IFT74: variants seen among roughly 807,000 people sequenced by gnomAD.
IFT74 encodes the protein intraflagellar transport protein 74 homolog.
Under a neutral mutation model 96.7 loss-of-function variants are expected in IFT74, and 92 were observed. The ratio of observed to expected loss-of-function variants is 0.95; its 90% confidence interval spans 0.80 to 1.13. IFT74 has a LOEUF of 1.13. Ranked by LOEUF, IFT74 falls within the 50% of genes most tolerant of loss-of-function variation. The probability of loss-of-function intolerance (pLI) is 0.00; values close to 1 mark genes in which losing one functional copy is unlikely to be tolerated. For missense variants in IFT74, 811 were observed against 698.2 expected, an observed-to-expected ratio of 1.16 and a Z score of -1.82; for synonymous variants, 223 against 213.2, an observed-to-expected ratio of 1.05 and a Z score of -0.40.
chr9:27,052,731 T>C (rs1375642008), intron 16 of IFT74, among the ~76,000 whole-genome samples: 1 of 152,136 alleles, frequency 6.6e-6, no homozygotes, highest in Non-Finnish European at 1.5e-5. Flanking sequence ...CCATATAATT[T>C]ATTCTTTCTT....
chr9:26,986,422 C>T (rs1204357438), intron 6 of IFT74, among the ~76,000 whole-genome samples: 1 of 150,408 alleles, frequency 6.6e-6, no homozygotes, highest in Non-Finnish European at 1.5e-5. Context: ...CTCAATTGAT[C>T]CTCCCACCTA....
intron 12 of IFT74, among the ~76,000 whole-genome samples, chr9:27,026,567 T>C (rs1829867484): frequency 6.6e-6 from 1 of 152,192 alleles, no homozygotes; most frequent in Non-Finnish European, 1.5e-5. Context: ...ACAGACCATA[T>C]GATAGGCCAC....
At chr9:27,000,517 T>C (rs1456594995) in intron 8 of IFT74, among the ~76,000 whole-genome samples, 2 of 152,192 alleles carry the variant, frequency 1.3e-5, no homozygotes, top group African/African-American at 4.8e-5. Context: ...TATTGAGGCG[T>C]GGTAGATATA....
intron 13 of IFT74, among the ~76,000 whole-genome samples, chr9:27,034,884 C>A (rs1384244110): frequency 6.6e-6 from 1 of 152,198 alleles, no homozygotes; most frequent in Middle Eastern, 3.2e-3. Context: ...GGATTCAAAT[C>A]CAGGCTGTGC....
chr9:26,948,915 C>G (rs1825851351), intron 1 of IFT74, among the ~76,000 whole-genome samples: 1 of 152,066 alleles, frequency 6.6e-6, no homozygotes. Flanking sequence ...GTATGCTCTC[C>G]ATGTCTCTAT....
At chr9:26,997,550 T>A (rs1304163889) in intron 8 of IFT74, among the ~76,000 whole-genome samples, 3 of 152,130 alleles carry the variant, frequency 2.0e-5, no homozygotes, top group Non-Finnish European at 4.4e-5. Context: ...GCCAGGCTGG[T>A]CTCAAACTCC....
intron 15 of IFT74, among the ~76,000 whole-genome samples, chr9:27,047,668 G>A (rs1390093483): frequency 2.0e-5 from 3 of 152,052 alleles, no homozygotes; most frequent in Admixed American, 6.6e-5. Context: ...TAATCTATCT[G>A]AACTTTTGAA....
rs1441523610 is a variant in IFT74, at chr9:27,064,967, A to G, written c.*2231A>G. Among the ~76,000 whole-genome samples, 2 of 152,162 alleles carry G rather than the reference A, an allele frequency of 1.3e-5. No individual in the cohort carries two copies. Among genetic ancestry groups the G allele is most frequent in the Non-Finnish European group, 2.9e-5 (2 of 68,000 alleles). On this transcript the variant is annotated 3_prime_UTR_variant, in exon 20 of 20. Coordinates refer to ENST00000380062, the MANE Select transcript of IFT74 (RefSeq NM_025103.4). The stretch of plus-strand genomic sequence containing the variant: ...AAAATTCAAATAAAGTACTATATGC[A>G]GTTACTACTTTAACTGACAGAAAGG...
chr9:27,002,803 A>AT (rs907851549), intron 8 of IFT74, among the ~76,000 whole-genome samples: 11 of 151,156 alleles, frequency 7.3e-5, no homozygotes, highest in Non-Finnish European at 1.2e-4. Context: ...GAATTTTAGG[A>AT]TTTTTTTTTC....
intron 1 of IFT74, among the ~76,000 whole-genome samples, chr9:26,960,549 G>C (rs1244670037): frequency 1.3e-5 from 2 of 152,056 alleles, no homozygotes; most frequent in Non-Finnish European, 2.9e-5. Context: ...ATTGTTTTCA[G>C]AACTTACTAA....
intron 19 of IFT74, 55 bp downstream of exon 19, chr9:27,060,706 C>T: frequency 7.6e-7 from 1 of 1,317,718 alleles, no homozygotes; most frequent in South Asian, 1.4e-5. Flanking sequence ...TGCCTATAGT[C>T]CCAACACTTT....
intron 8 of IFT74, among the ~76,000 whole-genome samples, chr9:27,008,474 T>C (rs1428800989): frequency 6.6e-6 from 1 of 152,102 alleles, no homozygotes; most frequent in Non-Finnish European, 1.5e-5. Context: ...TTCTCCTGCC[T>C]CAGCCTCCCA....
intron 9 of IFT74, among the ~76,000 whole-genome samples, chr9:27,010,387 G>T (rs919303680): frequency 2.6e-5 from 4 of 151,714 alleles, no homozygotes; most frequent in African/African-American, 7.3e-5. Flanking sequence ...TCAAACATGA[G>T]AATTTATTCC....
intron 12 of IFT74, among the ~76,000 whole-genome samples, chr9:27,028,646 T>A (rs1031036969): frequency 2.0e-5 from 3 of 151,910 alleles, no homozygotes; most frequent in African/African-American, 7.3e-5. Flanking sequence ...GTCCCAGCTA[T>A]TCGGGAGGCT....
intron 2 of IFT74, among the ~76,000 whole-genome samples, chr9:26,966,579 T>C (rs992594321): frequency 2.0e-5 from 3 of 152,086 alleles, no homozygotes; most frequent in Non-Finnish European, 4.4e-5. Flanking sequence ...TTTATTAATT[T>C]CTTGTCAGAT....
intron 1 of IFT74, among the ~76,000 whole-genome samples, chr9:26,961,130 G>A (rs553990709): frequency 4.1e-4 from 58 of 141,300 alleles, no homozygotes; most frequent in Non-Finnish European, 6.3e-4. Flanking sequence ...TCGCTGTGTC[G>A]CCCAGGCTGG....
chr9:27,050,282 C>T (rs995345949), intron 16 of IFT74, among the ~76,000 whole-genome samples: 2 of 152,280 alleles, frequency 1.3e-5, no homozygotes, highest in East Asian at 3.9e-4. Context: ...TTGTCTCAAA[C>T]TCCTGGGCTA....
At chr9:27,039,350 T>G (rs1376727257) in intron 13 of IFT74, among the ~76,000 whole-genome samples, 2 of 152,110 alleles carry the variant, frequency 1.3e-5, no homozygotes, top group African/African-American at 2.4e-5. Flanking sequence ...AGAGTTTTGA[T>G]GCGTCTTAAT....
At chr9:26,996,377 T>A in intron 8 of IFT74, 2 of 1,609,590 alleles carry the variant, frequency 1.2e-6, no homozygotes, top group Non-Finnish European at 1.7e-6. Flanking sequence ...TGAAAATGAA[T>A]ATAAAGATCT....
Sources: allele counts gnomAD v4.1 joint callset (sites outside exome capture counted in the v4.1 genomes callset), GRCh38; gene constraint gnomAD v4.1.1; transcripts MANE v1.5; gene names NCBI Gene and HGNC (gene_info 2026-07-23, HGNC 2026-07-21).